The following ZYG11B variants were observed in gnomAD, a reference collection of about 807,000 sequenced individuals.
ZYG11B encodes zyg-11 family member B, cell cycle regulator.
ZYG11B carries 36 observed loss-of-function variants against 82.4 expected under a neutral mutation model. The observed-to-expected ratio is 0.44, with a 90% CI of 0.33 to 0.58. The LOEUF is 0.58. Among genes scored for constraint, ZYG11B ranks in the 20% least tolerant of loss-of-function variants. The pLI is 0.02. For synonymous variants in ZYG11B, 303 were observed against 312.8 expected (o/e 0.97, Z 0.33); for missense variants, 552 against 895.6 (o/e 0.62, Z 4.90).
intron 5 of ZYG11B, among the ~76,000 whole-genome samples, chr1:52,787,851 A>G (rs1439214489): frequency 2.0e-5 from 3 of 152,272 alleles, no homozygotes; most frequent in South Asian, 2.1e-4. Flanking sequence ...CAAATACTGT[A>G]AACTATTTTG....
At position 52,796,738 on chromosome 1, in the gene ZYG11B, C is replaced by T; in HGVS notation, c.1439C>T (p.Ser480Phe). 6.3e-7 allele frequency: 1 copy of T among 1,599,076 alleles called. No individual in the cohort carries two copies. Among genetic ancestry groups the T allele is most frequent in the Non-Finnish European group, 8.5e-7 (1 of 1,174,854 alleles). The change falls in exon 8 of 14, where the codon TCT becomes TTT. Residue 480 changes from serine (S) to phenylalanine (F), a missense_variant. This residue lies in a region of ZYG11B where 66 missense variants were observed against 176.4 expected (regional missense o/e 0.37). Transcript: ENST00000294353. ...AIISILAAKL[S>F]TEQTAQLGTE... ...TTGTTTTTTACTTGCTTGCAGCTTT[C>T]TACAGAACAAACTGCACAGCTTGGT...
intron 3 of ZYG11B, chr1:52,772,741 T>C: frequency 1.6e-6 from 1 of 630,436 alleles, no homozygotes. Context: ...GCAGTGGCGC[T>C]ATCTTGGCTC....
At chr1:52,733,366 A>G (rs752187002) in intron 1 of ZYG11B, among the ~76,000 whole-genome samples, 2 of 152,034 alleles carry the variant, frequency 1.3e-5, no homozygotes, top group Non-Finnish European at 2.9e-5. Context: ...TATTTTTTGT[A>G]TAGTTTTTGT....
intron 1 of ZYG11B, among the ~76,000 whole-genome samples, chr1:52,729,929 T>C (rs1294248857): frequency 6.6e-6 from 1 of 151,942 alleles, no homozygotes. Flanking sequence ...CACCTCAGCC[T>C]CCCAAGTAGC....
At chr1:52,785,134 G>C (rs968567505) in intron 5 of ZYG11B, 81 bp downstream of exon 5, 24 of 1,448,944 alleles carry the variant, frequency 1.7e-5, no homozygotes, top group Non-Finnish European at 2.2e-5. Flanking sequence ...AATAGACCAA[G>C]GCTGGAAATT....
At chr1:52,749,216 A>C (rs1409703221) in intron 1 of ZYG11B, among the ~76,000 whole-genome samples, 1 of 152,132 alleles carries the variant, frequency 6.6e-6, no homozygotes, top group Non-Finnish European at 1.5e-5. Context: ...AAAATAAACA[A>C]AATACCTAAA....
intron 5 of ZYG11B, among the ~76,000 whole-genome samples, chr1:52,786,951 G>C (rs935874133): frequency 5.3e-5 from 8 of 152,100 alleles, no homozygotes; most frequent in Non-Finnish European, 1.2e-4. Flanking sequence ...TTAGCTGGGC[G>C]TGGTGGCGCA....
At chr1:52,796,079 TCCAAAC>T (rs1387067092) in intron 6 of ZYG11B, among the ~76,000 whole-genome samples, 2 of 152,224 alleles carry the variant, frequency 1.3e-5, no homozygotes, top group Non-Finnish European at 2.9e-5. Context: ...AATGATATTT[TCCAAAC>T]CCTTCTTTCT....
Position 52,770,092 on chromosome 1 carries a change from ATTT to A in ZYG11B, c.197-915_197-913del, listed in dbSNP as rs33953020. On this transcript the variant is annotated intron_variant, in intron 2 of 13. Transcript: ENST00000294353. ...AACTACTATATATATATATATATAT[ATTT>A]TTTTTTTTTTTTCAGAGACAGGTTC... Among the ~76,000 whole-genome samples the A allele has an allele frequency of 2.3e-3, 217 of 94,454 alleles. 1 individual carries two copies. The highest frequency in any genetic ancestry group is 9.6e-3 in the African/African-American group (211 of 21,930). The allele number at this position is 94,454 out of a possible 152,430, so 62.0% of individuals were successfully genotyped here.
At chr1:52,779,460 T>A (rs2149944039) in intron 3 of ZYG11B, among the ~76,000 whole-genome samples, 1 of 152,328 alleles carries the variant, frequency 6.6e-6, no homozygotes. Context: ...CAGCTTTACA[T>A]AACTATCCAA....
At chr1:52,733,031 C>T (rs1198127707) in intron 1 of ZYG11B, among the ~76,000 whole-genome samples, 1 of 152,126 alleles carries the variant, frequency 6.6e-6, no homozygotes, top group African/African-American at 2.4e-5. Context: ...AGATAAAGCT[C>T]ATGCGTGGAA....
At chr1:52,793,950 CTTCCT>C (rs549919616) in intron 6 of ZYG11B, among the ~76,000 whole-genome samples, 74 of 138,544 alleles carry the variant, frequency 5.3e-4, no homozygotes, top group African/African-American at 2.1e-3. Flanking sequence ...CTTCCTTTCC[CTTCCT>C]TTCCTTTCCT....
At chr1:52,745,947 C>T (rs904490391) in intron 1 of ZYG11B, among the ~76,000 whole-genome samples, 3 of 149,864 alleles carry the variant, frequency 2.0e-5, no homozygotes, top group Admixed American at 6.7e-5. Flanking sequence ...AGGGGAGAAT[C>T]GCTTGAATAT....
chr1:52,746,204 G>C (rs187181312), intron 1 of ZYG11B, among the ~76,000 whole-genome samples: 1 of 151,340 alleles, frequency 6.6e-6, no homozygotes, highest in Admixed American at 6.6e-5. Context: ...CACCCGCCTT[G>C]GCCCCCCAAA....
chr1:52,773,629 T>TATATATATATATA (rs1187455734), intron 3 of ZYG11B, among the ~76,000 whole-genome samples: 1 of 9,564 alleles, frequency 1.0e-4, no homozygotes, highest in African/African-American at 4.3e-4. Flanking sequence ...ATATATATAT[T>TATATATATATATA]TTTTTTTTTT....
chr1:52,816,612 A>T lies in ZYG11B; in HGVS notation c.2027A>T (p.His676Leu). ...CTATGGGCAGTTTGGGCCATGCAAC[A>T]TGTCTGCAGCAAGAATCGTATGTAC... ...VQLWAVWAMQ[H>L]VCSKNPSRYC... Residue 676 changes from histidine to leucine, a missense_variant, in exon 13 of 14, where the codon CAT (histidine) becomes CTT (leucine). Physicochemically the swap from His to Leu is moderately conservative, Grantham distance 99. Around this residue, in one of 3 missense-constraint regions of ZYG11B, gnomAD observed 127 missense variants for 163.4 expected, o/e 0.78. Transcript: ENST00000294353. 6.2e-7 allele frequency: 1 copy of T among 1,609,786 alleles called. No homozygotes were observed. The highest frequency in any genetic ancestry group is 8.5e-7 in the Non-Finnish European group (1 of 1,178,698).
chr1:52,781,505 AG>A (rs912572226), intron 4 of ZYG11B, among the ~76,000 whole-genome samples: 4 of 152,048 alleles, frequency 2.6e-5, no homozygotes, highest in African/African-American at 9.7e-5. Flanking sequence ...GTCTTAAAAG[AG>A]AAAAAAAAAA....
chr1:52,791,273 T>C (rs1191620594), intron 6 of ZYG11B, among the ~76,000 whole-genome samples: 1 of 152,130 alleles, frequency 6.6e-6, no homozygotes, highest in Non-Finnish European at 1.5e-5. Context: ...ATGCCCAGTC[T>C]TAAAATATAA....
At position 52,776,229 on chromosome 1, in the gene ZYG11B, A is replaced by AAAAAAAAAAAAAATATATATAT; in HGVS notation, c.952-3623_952-3622insAAAAAAAAAAAATATATATATA. Among the ~76,000 whole-genome samples the AAAAAAAAAAAAAATATATATAT allele has an allele frequency of 6.2e-3, 146 of 23,490 alleles. 5 individuals carry two copies. The highest frequency in any genetic ancestry group is 0.012 in the African/African-American group (125 of 10,504). The allele number at this position is 23,490 out of a possible 152,430, so 15.4% of individuals were successfully genotyped here. ...AGCAAAACTCTGTCTTAAAAAAAAA[A>AAAAAAAAAAAAAATATATATAT]ATATATATATATATATGCAATAAAG... is the stretch of plus-strand genomic sequence containing the variant. On this transcript the variant is annotated intron_variant, in intron 3 of 13. Transcript: ENST00000294353.
Sources: gnomAD v4.1 joint callset for allele counts (sites outside exome capture counted in the v4.1 genomes callset) on GRCh38, gnomAD v4.1.1 for gene constraint, gnomAD v4.1.1 regional missense constraint, MANE v1.5 for transcripts, NCBI Gene and HGNC (gene_info 2026-07-23, HGNC 2026-07-21) for gene names.